MMP25: variants seen among roughly 807,000 people sequenced by gnomAD.
MMP25 encodes the protein matrix metallopeptidase 25.
Under a neutral mutation model 62.1 loss-of-function variants are expected in MMP25, and 68 were observed. The observed-to-expected ratio is 1.10, with a 90% CI of 0.90 to 1.34. The LOEUF is 1.34. MMP25 is among the 40% of genes most tolerant of loss of function. The probability of loss-of-function intolerance (pLI) is 0.00; values close to 1 mark genes in which losing one functional copy is unlikely to be tolerated. For missense variants in MMP25, 942 were observed against 792.5 expected, an observed-to-expected ratio of 1.19 and a Z score of -2.26; for synonymous variants, 407 against 345.6, an observed-to-expected ratio of 1.18 and a Z score of -1.97.
rs1955823320 is a variant in MMP25, at chr16:3,046,639, A to G, written c.-279A>G. 3 of 185,570 alleles carry G rather than the reference A, an allele frequency of 1.6e-5. No individual in the cohort carries two copies. The highest frequency in any genetic ancestry group is 3.2e-5 in the Non-Finnish European group (3 of 94,088). The allele number at this position is 185,570 out of a possible 1,614,324, so 11.5% of individuals were successfully genotyped here. A position where few individuals can be genotyped will look rare whatever the true frequency, so the allele number is the denominator to read the frequency against. ...GGACCCCGAGAGGCCGCCGCGGCAC[A>G]TCCAGACCTCCGCCGCTCCCGCGCC... is the stretch of plus-strand genomic sequence containing the variant. On this transcript the variant is annotated 5_prime_UTR_variant, in exon 1 of 10. Transcript: ENST00000336577.
At chr16:3,054,095 T>C (rs1955954214) in intron 4 of MMP25, 1 of 151,814 alleles carries the variant, frequency 6.6e-6, no homozygotes, top group South Asian at 2.1e-4. Flanking sequence ...GACTGACAGA[T>C]GCATGCACAG....
Position 3,057,497 on chromosome 16 carries a change from CCCCCTCTCTACT to C in MMP25, c.924-32_924-21del, listed in dbSNP as rs764818317. On this transcript the variant is annotated intron_variant, in intron 6 of 9. Coordinates refer to ENST00000336577, the MANE Select transcript of MMP25 (RefSeq NM_022468.5). ...GGTCCCTGCCTTGGAGAAAACAAAC[CCCCCTCTCTACT>C]CACCTCTCCTTTCCTCCCCAGCCCA... 8 of 1,604,230 alleles carry C rather than the reference CCCCCTCTCTACT, an allele frequency of 5.0e-6. 1 individual carries two copies. Among genetic ancestry groups the C allele is most frequent in the Non-Finnish European group, 6.8e-6 (8 of 1,171,266 alleles).
In MMP25 at chr16:3,047,902, C is replaced by G. The variant is rs139301624; in HGVS notation, c.232+355C>G. Among the ~76,000 whole-genome samples, 1,002 of 150,654 alleles carry G rather than the reference C, an allele frequency of 6.7e-3. 7 individuals carry two copies. Among genetic ancestry groups the G allele is most frequent in the Non-Finnish European group, 0.011 (778 of 67,770 alleles). Reference sequence around the variant, plus strand: ...TTGCCCAGGCTGGAGTGCAATGGTACCATCTCGGCTCACCGCAACCTCTGC... The same window carrying G: ...TTGCCCAGGCTGGAGTGCAATGGTAGCATCTCGGCTCACCGCAACCTCTGC... On this transcript the variant is annotated intron_variant, in intron 2 of 9. Coordinates refer to ENST00000336577, the MANE Select transcript of MMP25 (RefSeq NM_022468.5).
chr16:3,049,023 G>A (rs1388654341), intron 2 of MMP25, among the ~76,000 whole-genome samples: 1 of 151,956 alleles, frequency 6.6e-6, no homozygotes, highest in Non-Finnish European at 1.5e-5. Flanking sequence ...GGCCAAGCAG[G>A]TCTCGAACTC....
Position 3,046,888 on chromosome 16 carries a change from C to A in MMP25, c.-30C>A. 2 of 1,333,264 alleles carry A rather than the reference C, an allele frequency of 1.5e-6. No homozygotes were observed. The highest frequency in any genetic ancestry group is 1.9e-6 in the Non-Finnish European group (2 of 1,031,282). 82.6% of individuals were successfully genotyped at this position (1,333,264 alleles called of 1,614,324 possible). A position where few individuals can be genotyped will look rare whatever the true frequency, so the allele number is the denominator to read the frequency against. ...CGGCCCCAGCCAGGCCCCCTTCGAA[C>A]CCCGCCGGCGGCCCGGGCTGGGGCG... On this transcript the variant is annotated 5_prime_UTR_variant, in exon 1 of 10. Coordinates refer to ENST00000336577, the MANE Select transcript of MMP25 (RefSeq NM_022468.5).
Position 3,047,562 on chromosome 16 carries a change from C to T in MMP25, c.232+15C>T, listed in dbSNP as rs775053337. 16 of 1,609,680 alleles carry T rather than the reference C, an allele frequency of 9.9e-6. No individual in the cohort carries two copies. The East Asian group carries it at 2.7e-4, about 27-fold the overall frequency. On this transcript the variant is annotated intron_variant, in intron 2 of 9. Transcript: ENST00000336577. ...CGGCCGCATGGGTAGGTGGCCCCCA[C>T]CCCTCCCCAGCCCTGCCTCTGCACC... is the stretch of plus-strand genomic sequence containing the variant.
At chr16:3,049,054 C>T (rs1226981322) in intron 2 of MMP25, among the ~76,000 whole-genome samples, 1 of 151,942 alleles carries the variant, frequency 6.6e-6, no homozygotes, top group African/African-American at 2.4e-5. Context: ...GCGATCAGCC[C>T]ACCTTGGCCT....
At chr16:3,055,759 C>A in intron 4 of MMP25, 1 of 447,820 alleles carries the variant, frequency 2.2e-6, no homozygotes, top group Non-Finnish European at 4.5e-6. Context: ...GGCCATGAAA[C>A]TCATCCGCAT....
At position 3,046,865 on chromosome 16, in the gene MMP25, G is replaced by GGCCC; in HGVS notation, c.-53_-52insGCCC. 2 of 1,095,266 alleles carry GGCCC rather than the reference G, an allele frequency of 1.8e-6. No individual in the cohort carries two copies. Among genetic ancestry groups the GGCCC allele is most frequent in the Non-Finnish European group, 1.2e-6 (1 of 826,910 alleles). The allele number at this position is 1,095,266 out of a possible 1,614,324, so 67.8% of individuals were successfully genotyped here. On this transcript the variant is annotated 5_prime_UTR_variant, in exon 1 of 10. Transcript: ENST00000336577. ...TCTCCTCCCCCAGGTCCCCGGGGCG[G>GGCCC]CCCCAGCCAGGCCCCCTTCGAACCC...
intron 4 of MMP25, chr16:3,053,382 C>T (rs1171213631): frequency 6.6e-6 from 1 of 150,484 alleles, no homozygotes; most frequent in Non-Finnish European, 1.5e-5. Context: ...TCAAGTAAGT[C>T]AGGGTTCTTC....
intron 4 of MMP25, 87 bp downstream of exon 4, chr16:3,050,633 A>C (rs1398182127): frequency 7.4e-7 from 1 of 1,355,396 alleles, no homozygotes; most frequent in Non-Finnish European, 9.8e-7. Context: ...TTTGTTTAAG[A>C]AACAAGGTCT....
chr16:3,057,821 C>T (rs1351108483), intron 7 of MMP25: 2 of 606,096 alleles, frequency 3.3e-6, no homozygotes, highest in Non-Finnish European at 5.8e-6. Context: ...ACCTCAGCCT[C>T]CCTGGTAGCT....
chr16:3,058,998 G>C lies in MMP25; in HGVS notation c.1589G>C (p.Cys530Ser). The change falls in exon 10 of 10, where the codon TGC becomes TCC. Residue 530 changes from cysteine (C) to serine (S), a missense_variant. Physicochemically the swap from Cys to Ser is moderately radical, Grantham distance 112 (BLOSUM62 -1). Transcript: ENST00000336577. ...PPKATPVSET[C>S]DCQCELNQAA... is the part of the protein sequence containing the mutation. ...AAAGCGACCCCCGTGTCCGAAACCT[G>C]CGATTGTCAGTGCGAGCTCAACCAG... The C allele has an allele frequency of 6.4e-7, 1 of 1,556,150 alleles. No individual in the cohort carries two copies.
chr16:3,059,089 C>CCCA lies in MMP25; in HGVS notation c.1680_1681insCCA (p.Ala560_Ser561insPro). On this transcript the variant is annotated inframe_insertion, in exon 10 of 10. Coordinates refer to ENST00000336577, the MANE Select transcript of MMP25 (RefSeq NM_022468.5). ...TGCCCCTGCTGGTGGGGGGTGTAGC[C>CCCA]TCCCGCTGATGGGGGGAGCCATCCA... 6.5e-7 allele frequency: 1 copy of CCCA among 1,542,796 alleles called. No homozygotes were observed. Among genetic ancestry groups the CCCA allele is most frequent in the East Asian group, 2.5e-5 (1 of 40,764 alleles).
At chr16:3,055,594 G>A in intron 4 of MMP25, 1 of 329,456 alleles carries the variant, frequency 3.0e-6, no homozygotes, top group South Asian at 2.3e-5. Context: ...TTGGTGAGAA[G>A]TGAACGAAAA....
Position 3,059,276 on chromosome 16 carries a change from C to A in MMP25, c.*178C>A, listed in dbSNP as rs980353205. ...AGGGGCGGCGGCGGCGGGGACCGGT[C>A]GCCTGGCGCTGGGCTCAGTCTCCTC... On this transcript the variant is annotated 3_prime_UTR_variant, in exon 10 of 10. Transcript: ENST00000336577. 1.5e-5 allele frequency: 11 copies of A among 729,380 alleles called. No homozygotes were observed. In the African/African-American group the frequency reaches 2.1e-4, roughly 14 times the overall value. The allele number at this position is 729,380 out of a possible 1,614,324, so 45.2% of individuals were successfully genotyped here. A position where few individuals can be genotyped will look rare whatever the true frequency, so the allele number is the denominator to read the frequency against.
In MMP25 at chr16:3,055,777, C is replaced by T. The variant is rs115229880; in HGVS notation, c.662-1256C>T. ...CATGAAACTCATCCGCATGGGGTAACTGGGGCCTCCCTGTGGTGCTGCGGG... is the reference window on the plus strand; with the variant it reads ...CATGAAACTCATCCGCATGGGGTAATTGGGGCCTCCCTGTGGTGCTGCGGG... On this transcript the variant is annotated intron_variant, in intron 4 of 9. Coordinates refer to ENST00000336577, the MANE Select transcript of MMP25 (RefSeq NM_022468.5). 1,439 of 452,970 alleles carry T rather than the reference C, an allele frequency of 3.2e-3. 19 individuals carry two copies. The highest frequency in any genetic ancestry group is 0.024 in the African/African-American group (1,179 of 49,734). 28.1% of individuals were successfully genotyped at this position (452,970 alleles called of 1,614,324 possible).
In MMP25 at chr16:3,050,524, G is replaced by A. The variant is rs1285927521; in HGVS notation, c.639G>A (p.Glu213=). The change falls in exon 4 of 10, where the codon GAG becomes GAA. Residue 213 remains glutamate, a synonymous_variant. Transcript: ENST00000336577. ...GGGACACTCACTTTGACGATGAGGA[G>A]ACCTGGACTTTTGGGTCAAAAGGTA... ...ISGDTHFDDE[E]TWTFGSKDGE... 3.2e-6 allele frequency: 5 copies of A among 1,557,340 alleles called. No individual in the cohort carries two copies. Among genetic ancestry groups the A allele is most frequent in the Non-Finnish European group, 4.3e-6 (5 of 1,150,324 alleles).
chr16:3,058,348 C>T lies in MMP25; in HGVS notation c.1159+15C>T. 46 of 1,523,626 alleles carry T rather than the reference C, an allele frequency of 3.0e-5. No homozygotes were observed. The highest frequency in any genetic ancestry group is 4.0e-5 in the Non-Finnish European group (45 of 1,137,770). The allele number at this position is 1,523,626 out of a possible 1,614,324, so 94.4% of individuals were successfully genotyped here. On this transcript the variant is annotated intron_variant, in intron 8 of 9. Coordinates refer to ENST00000336577, the MANE Select transcript of MMP25 (RefSeq NM_022468.5). Reference sequence around the variant, plus strand: ...CCTCTTTAGCGGTGAGTGGGGCCGGCGGCGGGGCGCGCTGGGGCCGGCGCG... The same window carrying T: ...CCTCTTTAGCGGTGAGTGGGGCCGGTGGCGGGGCGCGCTGGGGCCGGCGCG...
Sources: gnomAD v4.1 joint callset for allele counts (sites outside exome capture counted in the v4.1 genomes callset) on GRCh38, gnomAD v4.1.1 for gene constraint, MANE v1.5 for transcripts, NCBI Gene and HGNC (gene_info 2026-07-23, HGNC 2026-07-21) for gene names.